The following EBF4 variants were observed in gnomAD, a reference collection of about 807,000 sequenced individuals.
EBF4 encodes EBF transcription factor 4.
EBF4 carries 34 observed loss-of-function variants against 67.1 expected under a neutral mutation model. The ratio of observed to expected loss-of-function variants is 0.51; its 90% confidence interval spans 0.39 to 0.67. The LOEUF (loss-of-function observed/expected upper bound fraction) is 0.67, where lower values mean the gene tolerates loss of function less well. Among genes scored for constraint, EBF4 ranks in the 30% least tolerant of loss-of-function variants. The probability of loss-of-function intolerance (pLI) is 0.00; values close to 1 mark genes in which losing one functional copy is unlikely to be tolerated. For synonymous variants in EBF4, 387 were observed against 377.7 expected, an observed-to-expected ratio of 1.02 and a Z score of -0.29; for missense variants, 837 against 873.3, an observed-to-expected ratio of 0.96 and a Z score of 0.52.
At chr20:2,723,389 C>G (rs541567729) in intron 6 of EBF4, among the ~76,000 whole-genome samples, 1 of 151,940 alleles carries the variant, frequency 6.6e-6, no homozygotes. Flanking sequence ...CTCGCTCTGT[C>G]GCCCAGGCTG....
chr20:2,705,481 C>A lies in EBF4; in HGVS notation c.138-96C>A, dbSNP rs373526286. 4.8e-5 allele frequency: 73 copies of A among 1,511,860 alleles called. 1 individual carries two copies. The East Asian group carries it at 9.1e-4, about 19-fold the overall frequency. 93.7% of individuals were successfully genotyped at this position (1,511,860 alleles called of 1,614,324 possible). On this transcript the variant is annotated intron_variant, in intron 1 of 16. Transcript: ENST00000609451. ...TGCCCAAACTCTTGGCATCTTGGAG[C>A]CATGTCCTGGCTAGCATGCCTGCCT... is the stretch of plus-strand genomic sequence containing the variant.
In EBF4 at chr20:2,752,119, G is replaced by GAGGCTCTGT. The variant is rs1278367322; in HGVS notation, c.1209_1217dup (p.Leu405_Tyr406insTer). The GAGGCTCTGT allele has an allele frequency of 6.8e-7, 1 of 1,468,228 alleles. No individual in the cohort carries two copies. Among genetic ancestry groups the GAGGCTCTGT allele is most frequent in the Non-Finnish European group, 8.9e-7 (1 of 1,117,682 alleles). 91.0% of individuals were successfully genotyped at this position (1,468,228 alleles called of 1,614,324 possible). On this transcript the variant is annotated stop_gained and inframe_insertion, in exon 13 of 17. Coordinates refer to ENST00000609451, the Ensembl canonical transcript of EBF4. LOFTEE classifies it high-confidence loss of function. The stretch of plus-strand genomic sequence containing the variant: ...CCTGAAGCGCGCGGCGGACGTGGCC[G>GAGGCTCTGT]AGGCTCTGTACAGCACCCCCCGCGC...
At chr20:2,752,057 C>G in intron 12 of EBF4, 29 bp from the exon 13 acceptor site, 1 of 1,453,894 alleles carries the variant, frequency 6.9e-7, no homozygotes, top group Non-Finnish European at 9.0e-7. Context: ...CGCGGCTGCC[C>G]CGGCCGTGCC....
rs1298458070 is a variant in EBF4 at position 2,745,809 on chromosome 20, G to A, written c.558-2740G>A. Among the ~76,000 whole-genome samples, 1 of 152,194 alleles carries A rather than the reference G, an allele frequency of 6.6e-6. No homozygotes were observed. Among genetic ancestry groups the A allele is most frequent in the Non-Finnish European group, 1.5e-5 (1 of 68,028 alleles). The stretch of plus-strand genomic sequence containing the variant: ...CGGGTCATGCAGAGAGTCCAGGCCT[G>A]GCCAGAGCCCCTATCTTGGCCCCTT... On this transcript the variant is annotated intron_variant, in intron 6 of 16. Coordinates refer to ENST00000609451, the Ensembl canonical transcript of EBF4. This position sits in a 1 kb window ranked among gnomAD's most constrained non-coding sequence, Gnocchi z 5.2.
In EBF4 at chr20:2,755,528, G is replaced by A. The variant is rs914448300; in HGVS notation, c.1541-99G>A. 2 of 677,344 alleles carry A rather than the reference G, an allele frequency of 3.0e-6. No individual in the cohort carries two copies. The highest frequency in any genetic ancestry group is 2.1e-5 in the Admixed American group (1 of 46,640). The allele number at this position is 677,344 out of a possible 1,614,324, so 42.0% of individuals were successfully genotyped here. The stretch of plus-strand genomic sequence containing the variant: ...CCTGGTACCTGTGTCAGCAGCCCAT[G>A]TGGGGCCCCAGCCAAGCTGCTCACT... On this transcript the variant is annotated intron_variant, in intron 14 of 16. Coordinates refer to ENST00000609451, the Ensembl canonical transcript of EBF4. The surrounding 1 kb of genome is among the most constrained non-coding windows in gnomAD (Gnocchi z 4.7).
At chr20:2,759,154 G>A (rs1337315542) in intron 16 of EBF4, 114 bp from the exon 17 acceptor site, 6 of 667,390 alleles carry the variant, frequency 9.0e-6, no homozygotes, top group South Asian at 3.8e-5. Context: ...GCTTTCTGAG[G>A]TACTTGGCCC....
chr20:2,708,968 T>G (rs2087499196), intron 5 of EBF4, among the ~76,000 whole-genome samples: 1 of 152,104 alleles, frequency 6.6e-6, no homozygotes, highest in East Asian at 1.9e-4. Flanking sequence ...AGCGGATCAC[T>G]TGAGGCCAGG....
intron 6 of EBF4, among the ~76,000 whole-genome samples, chr20:2,721,045 A>G (rs2087672974): frequency 6.6e-6 from 1 of 152,148 alleles, no homozygotes; most frequent in African/African-American, 2.4e-5. Context: ...TATGATGTAC[A>G]TTGATGGAGT....
Position 2,705,653 on chromosome 20 carries a change from G to A in EBF4, c.214G>A (p.Val72Met), listed in dbSNP as rs1202921729. The change falls in exon 2 of 17, where the codon GTG becomes ATG. Residue 72 changes from valine to methionine, a missense_variant. This residue lies in a region of EBF4 where 226 missense variants were observed against 306.5 expected (regional missense o/e 0.74). Coordinates refer to ENST00000609451, the Ensembl canonical transcript of EBF4. ...CAGGAAATCCAACTTCTTCCACTTC[G>A]TGCTGGCCATGTACGACCGGCAGGG... 9.0e-6 allele frequency: 14 copies of A among 1,553,092 alleles called. No individual in the cohort carries two copies. Among genetic ancestry groups the A allele is most frequent in the Middle Eastern group, 1.7e-4 (1 of 6,016 alleles).
intron 15 of EBF4, among the ~76,000 whole-genome samples, chr20:2,757,818 A>G (rs1487381958): frequency 6.6e-6 from 1 of 152,156 alleles, no homozygotes; most frequent in African/African-American, 2.4e-5. Flanking sequence ...GTGGTGGCGC[A>G]TGCCTGTAGT....
chr20:2,752,040 C>T, intron 12 of EBF4, 46 bp from the exon 13 acceptor site: 2 of 1,484,446 alleles, frequency 1.3e-6, no homozygotes, highest in South Asian at 1.4e-5. Flanking sequence ...CCCCAGCACG[C>T]GGCGCCCGCG....
At chr20:2,753,283 C>G (rs2088186556) in intron 14 of EBF4, among the ~76,000 whole-genome samples, 1 of 152,194 alleles carries the variant, frequency 6.6e-6, no homozygotes, top group African/African-American at 2.4e-5. Flanking sequence ...CTGACCACAT[C>G]CCATCTGGCT....
intron 6 of EBF4, among the ~76,000 whole-genome samples, chr20:2,725,722 G>T (rs1306456929): frequency 6.6e-6 from 1 of 152,192 alleles, no homozygotes; most frequent in South Asian, 2.1e-4. Context: ...GGAACAAGGG[G>T]TGCTACCAAC....
chr20:2,753,548 A>G (rs1377567549), intron 14 of EBF4, among the ~76,000 whole-genome samples: 4 of 152,222 alleles, frequency 2.6e-5, no homozygotes, highest in East Asian at 1.9e-4. Context: ...AAGCCTCCCT[A>G]TCAATCATAA....
rs1285053907 is a variant in EBF4 at position 2,756,926 on chromosome 20, A to G, written c.1738+1102A>G. ...AGGAGATGCAAATTTATTTGAGCAC[A>G]AAAATGTATTTTTCTAACAGCATCT... is the stretch of plus-strand genomic sequence containing the variant. On this transcript the variant is annotated intron_variant, in intron 15 of 16. Coordinates refer to ENST00000609451, the Ensembl canonical transcript of EBF4. This position sits in a 1 kb window ranked among gnomAD's most constrained non-coding sequence, Gnocchi z 4.5. 6.6e-6 allele frequency among the ~76,000 whole-genome samples: 1 copy of G among 152,240 alleles called. No homozygotes were observed. Among genetic ancestry groups the G allele is most frequent in the Non-Finnish European group, 1.5e-5 (1 of 68,046 alleles).
chr20:2,738,055 G>A lies in EBF4; in HGVS notation c.558-10494G>A, dbSNP rs544825396. On this transcript the variant is annotated intron_variant, in intron 6 of 16. Coordinates refer to ENST00000609451, the Ensembl canonical transcript of EBF4. ...CAGTCAGGGGTAGACATCCCAGGCT[G>A]GGGATGGGTCTTTCTCTGAATAGGA... Among the ~76,000 whole-genome samples, 8 of 152,156 alleles carry A rather than the reference G, an allele frequency of 5.3e-5. No homozygotes were observed. The East Asian group carries it at 1.4e-3, about 26-fold the overall frequency.
In EBF4 at chr20:2,755,122, G is replaced by T; in HGVS notation, c.1541-505G>T. 1 of 160,346 alleles carries T rather than the reference G, an allele frequency of 6.2e-6. No individual in the cohort carries two copies. Among genetic ancestry groups the T allele is most frequent in the Middle Eastern group, 3.2e-3 (1 of 316 alleles). The allele number at this position is 160,346 out of a possible 1,614,324, so 9.9% of individuals were successfully genotyped here. A position where few individuals can be genotyped will look rare whatever the true frequency, so the allele number is the denominator to read the frequency against. On this transcript the variant is annotated intron_variant, in intron 14 of 16. Transcript: ENST00000609451. This position sits in a 1 kb window ranked among gnomAD's most constrained non-coding sequence, Gnocchi z 4.7. ...GAGCATATTTGAGGAGGAAGTTGGA[G>T]TGCTGTTTGTGATGCTGGGCAGAGA...
intron 6 of EBF4, among the ~76,000 whole-genome samples, chr20:2,725,144 C>T (rs2087731188): frequency 6.6e-6 from 1 of 152,298 alleles, no homozygotes; most frequent in South Asian, 2.1e-4. Context: ...AATGTTACAT[C>T]TCATTTGCTT....
At chr20:2,720,479 G>A (rs1278687596) in intron 6 of EBF4, among the ~76,000 whole-genome samples, 2 of 150,480 alleles carry the variant, frequency 1.3e-5, no homozygotes, top group African/African-American at 4.9e-5. Flanking sequence ...TCTTATTTTT[G>A]TCTCCTGTGT....
Sources: allele counts gnomAD v4.1 joint callset (sites outside exome capture counted in the v4.1 genomes callset), GRCh38; gene constraint gnomAD v4.1.1; regional missense constraint gnomAD v4.1.1; non-coding constraint Gnocchi (gnomAD v3.1); transcripts MANE v1.5; gene names NCBI Gene and HGNC (gene_info 2026-07-23, HGNC 2026-07-21).